The following DAAM1 variants were observed in gnomAD, a reference collection of about 807,000 sequenced individuals.
DAAM1 encodes disheveled-associated activator of morphogenesis 1.
A neutral mutation model predicts 130.0 loss-of-function variants in DAAM1; 52 were observed. That is an observed-to-expected ratio of 0.40 (90% CI 0.32 to 0.50). The LOEUF is 0.50. Among genes scored for constraint, DAAM1 ranks in the 20% least tolerant of loss-of-function variants. The probability of loss-of-function intolerance (pLI) is 0.61; values close to 1 mark genes in which losing one functional copy is unlikely to be tolerated. For synonymous variants in DAAM1, 452 were observed against 444.5 expected, an observed-to-expected ratio of 1.02 and a Z score of -0.21; for missense variants, 1,134 against 1,303.8, an observed-to-expected ratio of 0.87 and a Z score of 2.01.
rs757369097 is a variant in DAAM1, at chr14:59,352,476, A to G, written c.2161-50A>G. 49 of 1,436,970 alleles carry G rather than the reference A, an allele frequency of 3.4e-5. No homozygotes were observed. In the South Asian group the frequency reaches 5.2e-4, roughly 15 times the overall value. The allele number at this position is 1,436,970 out of a possible 1,614,324, so 89.0% of individuals were successfully genotyped here. A position where few individuals can be genotyped will look rare whatever the true frequency, so the allele number is the denominator to read the frequency against. On this transcript the variant is annotated intron_variant, in intron 17 of 24. Transcript: ENST00000360909. ...AACTGAAAGGGTGAAAAATTACTACATGGATTTAAGTGATAAACCTCAGTT... is the reference window on the plus strand; with the variant it reads ...AACTGAAAGGGTGAAAAATTACTACGTGGATTTAAGTGATAAACCTCAGTT...
intron 1 of DAAM1, among the ~76,000 whole-genome samples, chr14:59,217,071 T>G (rs1342733202): frequency 6.6e-6 from 1 of 152,192 alleles, no homozygotes. Flanking sequence ...GTGTTTGACC[T>G]GGTCTTGGGA....
intron 16 of DAAM1, among the ~76,000 whole-genome samples, chr14:59,345,688 G>T (rs1886048971): frequency 6.6e-6 from 1 of 152,128 alleles, no homozygotes. Context: ...CAGTTGTTCA[G>T]CCCTCACCTT....
intron 3 of DAAM1, among the ~76,000 whole-genome samples, chr14:59,311,404 G>C (rs555011011): frequency 1.3e-5 from 2 of 152,036 alleles, no homozygotes; most frequent in Admixed American, 1.3e-4. Flanking sequence ...GATGCTGAAG[G>C]GTCTTGATGC....
intron 1 of DAAM1, among the ~76,000 whole-genome samples, chr14:59,206,966 T>G (rs1888280021): frequency 6.6e-6 from 1 of 152,242 alleles, no homozygotes; most frequent in African/African-American, 2.4e-5. Flanking sequence ...GGAACTGATC[T>G]ATTGGTAGAT....
intron 12 of DAAM1, 33 bp downstream of exon 12, chr14:59,327,024 T>C (rs1407351004): frequency 1.2e-6 from 2 of 1,611,164 alleles, no homozygotes; most frequent in Non-Finnish European, 1.7e-6. Flanking sequence ...GAGGCTGTGT[T>C]ATTGGTTATT....
intron 1 of DAAM1, among the ~76,000 whole-genome samples, chr14:59,193,564 CAT>C (rs1044693297): frequency 3.3e-5 from 5 of 152,120 alleles, no homozygotes; most frequent in Non-Finnish European, 4.4e-5. Context: ...ATACATAGAA[CAT>C]GTGTCTAAAA....
intron 18 of DAAM1, among the ~76,000 whole-genome samples, chr14:59,353,572 T>G (rs1305861734): frequency 6.6e-6 from 1 of 152,214 alleles, no homozygotes; most frequent in Non-Finnish European, 1.5e-5. Context: ...GGAGGAGAGA[T>G]GCGCTTCAGT....
At chr14:59,244,935 G>C (rs1881295775) in intron 1 of DAAM1, among the ~76,000 whole-genome samples, 1 of 152,164 alleles carries the variant, frequency 6.6e-6, no homozygotes, top group South Asian at 2.1e-4. Context: ...TCACAGCTCT[G>C]CTTGCTGGTG....
At chr14:59,274,296 A>G (rs1023040494) in intron 2 of DAAM1, among the ~76,000 whole-genome samples, 13 of 152,280 alleles carry the variant, frequency 8.5e-5, no homozygotes, top group African/African-American at 2.9e-4. Flanking sequence ...TATATATATG[A>G]CATGTATATA....
chr14:59,224,089 G>A (rs1594766068), intron 1 of DAAM1, among the ~76,000 whole-genome samples: 1 of 152,140 alleles, frequency 6.6e-6, no homozygotes, highest in East Asian at 1.9e-4. Context: ...TTATATTGTT[G>A]GCCTTGTCAG....
intron 1 of DAAM1, among the ~76,000 whole-genome samples, chr14:59,225,019 GTTTTTTTTTT>G (rs869233694): frequency 2.1e-3 from 188 of 90,806 alleles, no homozygotes; most frequent in South Asian, 7.3e-3. Context: ...ATCTGTGTGG[GTTTTTTTTTT>G]TTTTTTTTTT....
chr14:59,281,145 C>T (rs1883197279), intron 2 of DAAM1, among the ~76,000 whole-genome samples: 4 of 152,170 alleles, frequency 2.6e-5, no homozygotes, highest in Admixed American at 6.5e-5. Flanking sequence ...TAGGGAATAA[C>T]GTTAGATCTT....
intron 1 of DAAM1, among the ~76,000 whole-genome samples, chr14:59,199,317 T>TG (rs1180791585): frequency 6.6e-6 from 1 of 152,214 alleles, no homozygotes; most frequent in Non-Finnish European, 1.5e-5. Flanking sequence ...CATGAGGTCT[T>TG]GAACTCCTGG....
At chr14:59,276,830 G>A (rs532699616) in intron 2 of DAAM1, among the ~76,000 whole-genome samples, 1 of 152,070 alleles carries the variant, frequency 6.6e-6, no homozygotes, top group Non-Finnish European at 1.5e-5. Flanking sequence ...TACAAATAGC[G>A]AGTTGATTGG....
At chr14:59,355,089 T>A in intron 19 of DAAM1, 76 bp from the exon 20 acceptor site, 1 of 1,528,016 alleles carries the variant, frequency 6.5e-7, no homozygotes, top group East Asian at 2.3e-5. Flanking sequence ...GAATTTAGAA[T>A]GGGTATCACT....
At chr14:59,344,989 T>C (rs764212238) in intron 16 of DAAM1, among the ~76,000 whole-genome samples, 1 of 151,900 alleles carries the variant, frequency 6.6e-6, no homozygotes, top group Non-Finnish European at 1.5e-5. Flanking sequence ...CTCCTCATGA[T>C]TATAGATGTT....
chr14:59,362,482 C>G (rs1886745790), intron 22 of DAAM1: 1 of 151,986 alleles, frequency 6.6e-6, no homozygotes, highest in African/African-American at 2.4e-5. Context: ...AATGCCTTTC[C>G]CGTCCCCACA....
At chr14:59,189,647 A>G (rs1177821151) in intron 1 of DAAM1, among the ~76,000 whole-genome samples, 1 of 152,138 alleles carries the variant, frequency 6.6e-6, no homozygotes, top group East Asian at 1.9e-4. Context: ...GTGGGGCAGG[A>G]GGGCTGGATA....
At position 59,320,594 on chromosome 14, in the gene DAAM1, C is replaced by T. The variant is rs1216885586; in HGVS notation, c.440+10C>T. 6.6e-7 allele frequency: 1 copy of T among 1,526,438 alleles called. No individual in the cohort carries two copies. Among genetic ancestry groups the T allele is most frequent in the Non-Finnish European group, 8.7e-7 (1 of 1,145,490 alleles). 94.6% of individuals were successfully genotyped at this position (1,526,438 alleles called of 1,614,324 possible). On this transcript the variant is annotated intron_variant, in intron 5 of 24. Transcript: ENST00000360909. ...GGACAAAACCAATGAGGTAATTTTCCCCTGGATGGCATGTTTTTTTTTTTT... is the reference window on the plus strand; with the variant it reads ...GGACAAAACCAATGAGGTAATTTTCTCCTGGATGGCATGTTTTTTTTTTTT...
Sources: allele counts gnomAD v4.1 joint callset (sites outside exome capture counted in the v4.1 genomes callset), GRCh38; gene constraint gnomAD v4.1.1; transcripts MANE v1.5; gene names NCBI Gene and HGNC (gene_info 2026-07-23, HGNC 2026-07-21).